SUMF1: variants seen among roughly 807,000 people sequenced by gnomAD.
The protein encoded by SUMF1 is formylglycine-generating enzyme.
In SUMF1, 48 loss-of-function variants were observed where a neutral mutation model predicts 47.6. The ratio of observed to expected loss-of-function variants is 1.01; its 90% CI spans 0.80 to 1.28. The LOEUF (loss-of-function observed/expected upper bound fraction) is 1.28, where lower values mean the gene tolerates loss of function less well. Ranked by LOEUF, SUMF1 falls within the 50% of genes most tolerant of loss-of-function variation. The pLI, the probability that SUMF1 is intolerant of heterozygous loss-of-function variation, is 0.00. For synonymous variants in SUMF1, 230 were observed against 192.1 expected (o/e 1.20, Z -1.63); for missense variants, 571 against 485.4 (o/e 1.18, Z -1.66).
intron 8 of SUMF1, among the ~76,000 whole-genome samples, chr3:4,121,437 C>CATAAACATAGTTTA (rs1345990674): frequency 6.6e-6 from 1 of 152,112 alleles, no homozygotes; most frequent in Admixed American, 6.6e-5. Flanking sequence ...ATGTTTTTAG[C>CATAAACATAGTTTA]AAGGCTACCA....
chr3:4,346,880 T>A (rs1428767524), intron 8 of SUMF1, among the ~76,000 whole-genome samples: 1 of 152,144 alleles, frequency 6.6e-6, no homozygotes, highest in African/African-American at 2.4e-5. Flanking sequence ...AATTACAAAC[T>A]ACCATCAGAG....
At chr3:4,039,658 T>A (rs1396223622) in intron 9 of SUMF1, among the ~76,000 whole-genome samples, 1 of 148,352 alleles carries the variant, frequency 6.7e-6, no homozygotes, top group African/African-American at 2.6e-5. Flanking sequence ...GTCTTTGCTA[T>A]TGTGATTAAA....
At chr3:4,110,382 T>G (rs890165359) in intron 8 of SUMF1, among the ~76,000 whole-genome samples, 2 of 152,068 alleles carry the variant, frequency 1.3e-5, no homozygotes, top group Non-Finnish European at 2.9e-5. Flanking sequence ...GGGACCCACT[T>G]GAGGAGGCAG....
At chr3:4,449,376 G>T (rs915624390) in intron 2 of SUMF1, 36 bp from the exon 3 acceptor site, 8 of 1,605,808 alleles carry the variant, frequency 5.0e-6, no homozygotes, top group Non-Finnish European at 6.0e-6. Flanking sequence ...TCCAGAAAAG[G>T]TTGTAGTAAT....
chr3:4,453,651 A>G (rs1703056373), intron 1 of SUMF1, among the ~76,000 whole-genome samples: 1 of 151,180 alleles, frequency 6.6e-6, no homozygotes, highest in South Asian at 2.1e-4. Context: ...CTCCTGCCTC[A>G]GCCTCCTGAG....
intron 8 of SUMF1, among the ~76,000 whole-genome samples, chr3:4,162,639 A>G (rs538740296): frequency 1.3e-5 from 2 of 152,254 alleles, no homozygotes; most frequent in South Asian, 4.1e-4. Context: ...GTCCTCCCAC[A>G]AGCATACATA....
chr3:4,453,432 A>G lies in SUMF1; in HGVS notation c.271-383T>C, dbSNP rs569000034. Among the ~76,000 whole-genome samples, 19 of 152,032 alleles carry G rather than the reference A, an allele frequency of 1.2e-4. 1 individual carries two copies. In the South Asian group the frequency reaches 3.9e-3, roughly 32 times the overall value. ...GCCCAGGCTGGGGTGCAGTGGCATGATCAGGGCTCACTACAGCATTGACTT... is the reference window on the plus strand; with the variant it reads ...GCCCAGGCTGGGGTGCAGTGGCATGGTCAGGGCTCACTACAGCATTGACTT... On this transcript the variant is annotated intron_variant, in intron 1 of 8. Coordinates refer to ENST00000272902, the MANE Select transcript of SUMF1 (RefSeq NM_182760.4).
chr3:4,450,203 AC>A (rs1438807049), intron 2 of SUMF1, among the ~76,000 whole-genome samples: 8 of 152,190 alleles, frequency 5.3e-5, no homozygotes, highest in South Asian at 2.1e-4. Flanking sequence ...TAAATAGCAC[AC>A]AGCTAGTTGT....
chr3:4,223,280 C>A (rs764504034), intron 8 of SUMF1, among the ~76,000 whole-genome samples: 18 of 152,098 alleles, frequency 1.2e-4, no homozygotes, highest in Non-Finnish European at 2.5e-4. Flanking sequence ...CAGACAGGTT[C>A]AAGTTTGAAT....
intron 8 of SUMF1, among the ~76,000 whole-genome samples, chr3:4,148,770 T>G (rs1387012317): frequency 6.6e-6 from 1 of 152,116 alleles, no homozygotes; most frequent in East Asian, 1.9e-4. Flanking sequence ...AATCCTGGCC[T>G]AAAAACATTA....
chr3:4,158,684 A>T (rs1477259197), intron 8 of SUMF1, among the ~76,000 whole-genome samples: 1 of 151,586 alleles, frequency 6.6e-6, no homozygotes, highest in Non-Finnish European at 1.5e-5. Context: ...ATATATATTT[A>T]CAATTGTTAT....
At chr3:4,435,257 G>A (rs983439541) in intron 3 of SUMF1, among the ~76,000 whole-genome samples, 3 of 152,232 alleles carry the variant, frequency 2.0e-5, no homozygotes, top group Non-Finnish European at 1.5e-5. Flanking sequence ...TACAATCATC[G>A]GCTATGAAGC....
At chr3:4,208,242 C>T (rs1255064899) in intron 8 of SUMF1, among the ~76,000 whole-genome samples, 1 of 152,068 alleles carries the variant, frequency 6.6e-6, no homozygotes, top group Non-Finnish European at 1.5e-5. Context: ...CCCCCTCTAG[C>T]CATCCTGTCC....
chr3:4,262,018 G>A (rs549464705), intron 8 of SUMF1, among the ~76,000 whole-genome samples: 2 of 152,226 alleles, frequency 1.3e-5, no homozygotes, highest in African/African-American at 2.4e-5. Flanking sequence ...ACAAGGTCTG[G>A]CCCTCTTCTT....
intron 8 of SUMF1, among the ~76,000 whole-genome samples, chr3:4,252,132 G>C (rs1203228964): frequency 6.6e-6 from 1 of 152,100 alleles, no homozygotes; most frequent in Non-Finnish European, 1.5e-5. Context: ...AAAGAAATGA[G>C]TAACACTGCA....
chr3:4,165,220 A>G (rs1453638400), intron 8 of SUMF1, among the ~76,000 whole-genome samples: 1 of 152,234 alleles, frequency 6.6e-6, no homozygotes, highest in Non-Finnish European at 1.5e-5. Flanking sequence ...TAACAATAGC[A>G]TGACGTCTCT....
chr3:4,166,096 T>G (rs1357482695), intron 8 of SUMF1, among the ~76,000 whole-genome samples: 2 of 152,060 alleles, frequency 1.3e-5, no homozygotes, highest in African/African-American at 4.8e-5. Context: ...TACCAACACA[T>G]TCTCGAAGAC....
At chr3:4,159,845 T>A (rs937036295) in intron 8 of SUMF1, among the ~76,000 whole-genome samples, 2 of 152,158 alleles carry the variant, frequency 1.3e-5, no homozygotes, top group Non-Finnish European at 2.9e-5. Context: ...AGGGTAAAAG[T>A]TTTTTTCCCA....
intron 2 of SUMF1, among the ~76,000 whole-genome samples, chr3:4,452,041 G>A (rs532684190): frequency 2.0e-5 from 3 of 151,930 alleles, no homozygotes; most frequent in Admixed American, 2.0e-4. Context: ...ATGTGACAAT[G>A]CAAAACCAAA....
Sources: allele counts gnomAD v4.1 joint callset (sites outside exome capture counted in the v4.1 genomes callset), GRCh38; gene constraint gnomAD v4.1.1; transcripts MANE v1.5; gene names NCBI Gene and HGNC (gene_info 2026-07-23, HGNC 2026-07-21).